AFAP1: variants seen among roughly 807,000 people sequenced by gnomAD.
AFAP1 encodes the protein actin filament associated protein 1.
AFAP1 carries 75 observed loss-of-function variants against 93.9 expected under a neutral mutation model. The observed-to-expected ratio is 0.80, with a 90% CI of 0.66 to 0.97. The LOEUF (loss-of-function observed/expected upper bound fraction) is 0.97. AFAP1 is among the 50% of genes least tolerant of loss of function. The pLI is 0.00. For synonymous variants in AFAP1, 517 were observed against 430.7 expected, an observed-to-expected ratio of 1.20 and a Z score of -2.48; for missense variants, 1,201 against 1,050.8, an observed-to-expected ratio of 1.14 and a Z score of -1.98.
Position 7,781,534 on chromosome 4 carries a change from G to A in AFAP1, c.1624C>T (p.Pro542Ser). ...GAGTAGCGGGCAAAGATGTGCGGAG[G>A]CGGCAAGTTATCGTACAGGCCTGCG... ...DNAGLYDNLPPPHIFARYSPA... is the reference protein window; with the variant it reads ...DNAGLYDNLPSPHIFARYSPA... The change falls in exon 13 of 18, where the codon CCT becomes TCT. Residue 542 changes from proline (P) to serine (S), a missense_variant. By Grantham distance (74) the Pro-to-Ser change is moderately conservative. Coordinates refer to ENST00000420658, the MANE Select transcript of AFAP1 (RefSeq NM_001134647.2). The A allele has an allele frequency of 6.4e-7, 1 of 1,552,162 alleles. No individual in the cohort carries two copies. The highest frequency in any genetic ancestry group is 8.7e-7 in the Non-Finnish European group (1 of 1,147,098).
intron 8 of AFAP1, among the ~76,000 whole-genome samples, chr4:7,813,068 G>A (rs928305316): frequency 3.9e-5 from 6 of 152,136 alleles, no homozygotes; most frequent in Admixed American, 2.0e-4. Context: ...TTCCAGAGTC[G>A]TTCCCTGTGG....
chr4:7,807,308 T>G (rs949535075), intron 9 of AFAP1, among the ~76,000 whole-genome samples: 1 of 152,372 alleles, frequency 6.6e-6, no homozygotes, highest in Middle Eastern at 3.4e-3. Flanking sequence ...CTTTCTATTG[T>G]TAATCGATAA....
In AFAP1 at chr4:7,824,729, G is replaced by A. The variant is rs150465359; in HGVS notation, c.727-5558C>T. ...CGTGAATGGAGAGTGGAGAATGACA[G>A]CAATGGAGGCCGGGAAGGCTGAGGG... On this transcript the variant is annotated intron_variant, in intron 6 of 17. Coordinates refer to ENST00000420658, the MANE Select transcript of AFAP1 (RefSeq NM_001134647.2). Among the ~76,000 whole-genome samples the A allele has an allele frequency of 3.9e-5, 6 of 152,276 alleles. No individual in the cohort carries two copies. The East Asian group carries it at 1.2e-3, about 29-fold the overall frequency.
intron 4 of AFAP1, among the ~76,000 whole-genome samples, chr4:7,853,165 T>C (rs1560200169): frequency 6.6e-6 from 1 of 151,602 alleles, no homozygotes. Context: ...TCTTAGATGA[T>C]TCTGGGCTAG....
At position 7,872,049 on chromosome 4, in the gene AFAP1, G is replaced by A; in HGVS notation, c.30C>T (p.Leu10=). 2 of 1,614,102 alleles carry A rather than the reference G, an allele frequency of 1.2e-6. No individual in the cohort carries two copies. The highest frequency in any genetic ancestry group is 1.7e-6 in the Non-Finnish European group (2 of 1,179,998). ...ATTCATGGTCCAGGAGTTCAAGAAA[G>A]AGACGAAGTTCAACTATTAACTCTT... The part of the protein sequence containing the change: MEELIVELR[L]FLELLDHEYL... Residue 10 remains leucine, a synonymous_variant, in exon 2 of 18, where the codon CTC becomes CTT. Coordinates refer to ENST00000420658, the MANE Select transcript of AFAP1 (RefSeq NM_001134647.2).
chr4:7,884,623 G>C (rs985684463), intron 1 of AFAP1, among the ~76,000 whole-genome samples: 2 of 152,060 alleles, frequency 1.3e-5, no homozygotes, highest in African/African-American at 4.8e-5. Flanking sequence ...TGGGACAACT[G>C]GTAACTATTT....
In AFAP1 at chr4:7,889,927, C is replaced by T. The variant is rs1281942288; in HGVS notation, c.-2-17847G>A. Among the ~76,000 whole-genome samples the T allele has an allele frequency of 2.1e-5, 3 of 142,344 alleles. No individual in the cohort carries two copies. In the Admixed American group the frequency reaches 2.2e-4, roughly 10 times the overall value. The allele number at this position is 142,344 out of a possible 152,430, so 93.4% of individuals were successfully genotyped here. ...ACTATATTTAGAAGAATCCCTACTG[C>T]TAAAATAATAACTCTGCCCCAAATC... On this transcript the variant is annotated intron_variant, in intron 1 of 17. Coordinates refer to ENST00000420658, the MANE Select transcript of AFAP1 (RefSeq NM_001134647.2).
chr4:7,885,437 A>G (rs1718088641), intron 1 of AFAP1, among the ~76,000 whole-genome samples: 1 of 151,854 alleles, frequency 6.6e-6, no homozygotes, highest in South Asian at 2.1e-4. Context: ...ACACTTCAAG[A>G]CTCAGCTGCG....
chr4:7,916,577 C>T (rs192813430), intron 1 of AFAP1, among the ~76,000 whole-genome samples: 1 of 152,152 alleles, frequency 6.6e-6, no homozygotes, highest in Admixed American at 6.5e-5. Context: ...ATACGTGAAG[C>T]CCTCTAGTCC....
At chr4:7,928,208 C>T (rs753516198) in intron 1 of AFAP1, among the ~76,000 whole-genome samples, 3 of 152,132 alleles carry the variant, frequency 2.0e-5, no homozygotes, top group Non-Finnish European at 4.4e-5. Flanking sequence ...CACCTGAGCT[C>T]TCTATTTTAC....
intron 1 of AFAP1, among the ~76,000 whole-genome samples, chr4:7,935,978 A>G (rs1427993777): frequency 1.3e-5 from 2 of 152,208 alleles, no homozygotes; most frequent in African/African-American, 2.4e-5. Flanking sequence ...AGAAAACCAT[A>G]AAGAAAATCT....
intron 1 of AFAP1, among the ~76,000 whole-genome samples, chr4:7,891,341 A>C (rs1267259443): frequency 2.6e-5 from 4 of 152,136 alleles, no homozygotes; most frequent in African/African-American, 9.7e-5. Context: ...TTCACGGACT[A>C]GGATTCTGTG....
intron 16 of AFAP1, among the ~76,000 whole-genome samples, chr4:7,771,396 A>G (rs1715416536): frequency 6.6e-6 from 1 of 152,230 alleles, no homozygotes; most frequent in African/African-American, 2.4e-5. Flanking sequence ...GTATCGTATA[A>G]ATATATAATT....
chr4:7,846,644 C>A (rs1464930010), intron 4 of AFAP1, among the ~76,000 whole-genome samples: 2 of 152,172 alleles, frequency 1.3e-5, no homozygotes, highest in Non-Finnish European at 2.9e-5. Context: ...ACTCATTCCA[C>A]AAATATGTTG....
At chr4:7,774,506 C>T (rs914377333) in intron 15 of AFAP1, 10 of 551,646 alleles carry the variant, frequency 1.8e-5, no homozygotes, top group South Asian at 1.4e-4. Context: ...CGGTGAGCAG[C>T]GTGTGGGTCT....
rs577218241 is a variant in AFAP1 at position 7,797,891 on chromosome 4, C to T, written c.1266+2551G>A. Among the ~76,000 whole-genome samples, 144 of 152,146 alleles carry T rather than the reference C, an allele frequency of 9.5e-4. 1 individual carries two copies. Among genetic ancestry groups the T allele is most frequent in the African/African-American group, 3.2e-3 (134 of 41,482 alleles). On this transcript the variant is annotated intron_variant, in intron 10 of 17. Transcript: ENST00000420658. ...ACATACAGACGTAGAGAGAAAGGGG[C>T]ACGGGGGAGAGTACACACGCAGGGC...
rs1719492139 is a variant in AFAP1, at chr4:7,806,152, C to T, written c.1054+3462G>A. On this transcript the variant is annotated intron_variant, in intron 9 of 17. Transcript: ENST00000420658. ...TTGCGCATGTCTCAGATCATATTAT[C>T]TACGCGGCTGTGTGCTGAGCTGACC... 2.0e-5 allele frequency among the ~76,000 whole-genome samples: 3 copies of T among 152,346 alleles called. No homozygotes were observed. In the South Asian group the frequency reaches 6.2e-4, roughly 32 times the overall value.
intron 11 of AFAP1, among the ~76,000 whole-genome samples, chr4:7,786,954 T>G (rs4689863): frequency 0.11 from 16,975 of 152,300 alleles, 1,441 homozygotes; most frequent in East Asian, 0.48. Flanking sequence ...CCACATCTCT[T>G]CACCTCTTCC....
In AFAP1 at chr4:7,768,824, C is replaced by T. The variant is rs771872682; in HGVS notation, c.2418+20G>A. 14 of 1,562,790 alleles carry T rather than the reference C, an allele frequency of 9.0e-6. No homozygotes were observed. The South Asian group carries it at 1.6e-4, about 18-fold the overall frequency. On this transcript the variant is annotated intron_variant, in intron 17 of 17. Transcript: ENST00000420658. Reference sequence around the variant, plus strand: ...GTGCCTGCCCAGGACACCCAGACACCCCCGGACATCAGGGCTTACCTTGGC... The same window carrying T: ...GTGCCTGCCCAGGACACCCAGACACTCCCGGACATCAGGGCTTACCTTGGC...
Sources: gnomAD v4.1 joint callset for allele counts (sites outside exome capture counted in the v4.1 genomes callset) on GRCh38, gnomAD v4.1.1 for gene constraint, MANE v1.5 for transcripts, NCBI Gene and HGNC (gene_info 2026-07-23, HGNC 2026-07-21) for gene names.